The following DNAJC10 variants were observed in gnomAD, a reference collection of about 807,000 sequenced individuals.
DNAJC10 encodes the protein endoplasmic reticulum disulfide reductase DNAJC10.
DNAJC10 carries 101 observed loss-of-function variants against 115.0 expected under a neutral mutation model. That is an observed-to-expected ratio of 0.88 (90% CI 0.75 to 1.04). The LOEUF (loss-of-function observed/expected upper bound fraction) is 1.04. Among genes scored for constraint, DNAJC10 ranks in the 50% least tolerant of loss-of-function variants. The pLI, the probability that DNAJC10 is intolerant of heterozygous loss-of-function variation, is 0.00. For missense variants in DNAJC10, 981 were observed against 928.8 expected (o/e 1.06, Z -0.73); for synonymous variants, 307 against 301.5 (o/e 1.02, Z -0.19).
intron 22 of DNAJC10, among the ~76,000 whole-genome samples, chr2:182,764,827 G>A (rs1004230988): frequency 3.3e-5 from 5 of 152,102 alleles, no homozygotes; most frequent in Non-Finnish European, 7.4e-5. Context: ...ATGGCTTAAA[G>A]CTTGTTTCCC....
At chr2:182,749,194 T>C (rs6740700) in intron 14 of DNAJC10, among the ~76,000 whole-genome samples, 87,424 of 134,334 alleles carry the variant, frequency 0.65, 29,251 homozygotes, top group African/African-American at 0.78. Context: ...GAGCTGAGTT[T>C]AATTCCTGGG....
At chr2:182,748,662 T>C (rs1422295528) in intron 14 of DNAJC10, among the ~76,000 whole-genome samples, 2 of 152,238 alleles carry the variant, frequency 1.3e-5, no homozygotes, top group African/African-American at 4.8e-5. Context: ...TCAGTTTTGT[T>C]GATCCTTTCA....
Position 182,758,096 on chromosome 2 carries a change from A to G in DNAJC10, c.1943+271A>G, listed in dbSNP as rs181808773. On this transcript the variant is annotated intron_variant, in intron 19 of 23. Coordinates refer to ENST00000264065, the MANE Select transcript of DNAJC10 (RefSeq NM_018981.4). Reference sequence around the variant, plus strand: ...TTAAACACCTTATTTGGTTTCAGGTACTATATTAGATACTTTACTCACCTT... The same window carrying G: ...TTAAACACCTTATTTGGTTTCAGGTGCTATATTAGATACTTTACTCACCTT... Among the ~76,000 whole-genome samples the G allele has an allele frequency of 4.5e-4, 69 of 152,296 alleles. 1 individual carries two copies. The highest frequency in any genetic ancestry group is 4.4e-5 in the Non-Finnish European group (3 of 68,026).
intron 22 of DNAJC10, among the ~76,000 whole-genome samples, chr2:182,763,054 C>CA (rs918453291): frequency 1.3e-5 from 2 of 151,634 alleles, no homozygotes; most frequent in Non-Finnish European, 2.9e-5. Context: ...TAGAAAGAGA[C>CA]AAAAAAAGTA....
Position 182,782,010 on chromosome 2 carries a change from G to C in DNAJC10, c.*4878G>C, listed in dbSNP as rs537731372. The C allele has an allele frequency of 7.2e-5, 11 of 152,304 alleles. No individual in the cohort carries two copies. The South Asian group carries it at 2.3e-3, about 32-fold the overall frequency. 9.4% of individuals were successfully genotyped at this position (152,304 alleles called of 1,614,324 possible). A position where few individuals can be genotyped will look rare whatever the true frequency, so the allele number is the denominator to read the frequency against. On this transcript the variant is annotated 3_prime_UTR_variant, in exon 24 of 24. Coordinates refer to ENST00000264065, the MANE Select transcript of DNAJC10 (RefSeq NM_018981.4). ...CCATTGCTTTTGGTGTTCTAGTCAT[G>C]AAGTCTTTGCCCATGCCTATGTCCT...
chr2:182,741,852 T>C (rs983066435), intron 13 of DNAJC10, among the ~76,000 whole-genome samples: 2 of 152,284 alleles, frequency 1.3e-5, no homozygotes, highest in East Asian at 1.9e-4. Flanking sequence ...TGCATACATA[T>C]TGTAATGGCC....
chr2:182,733,792 GA>G (rs1693513167), intron 10 of DNAJC10, among the ~76,000 whole-genome samples: 2 of 145,746 alleles, frequency 1.4e-5, no homozygotes, highest in African/African-American at 5.2e-5. Flanking sequence ...CAGATAGATA[GA>G]TAGATAGATA....
At chr2:182,730,253 TATCA>T (rs777910586) in intron 8 of DNAJC10, among the ~76,000 whole-genome samples, 2 of 152,196 alleles carry the variant, frequency 1.3e-5, no homozygotes, top group Non-Finnish European at 2.9e-5. Context: ...TAAATATGCT[TATCA>T]ATCAGTAAAT....
At chr2:182,733,504 A>G (rs1276057082) in intron 10 of DNAJC10, among the ~76,000 whole-genome samples, 2 of 151,734 alleles carry the variant, frequency 1.3e-5, no homozygotes, top group Non-Finnish European at 3.0e-5. Flanking sequence ...ACTGAGCATT[A>G]GTATCTTTAT....
chr2:182,735,769 A>G lies in DNAJC10; in HGVS notation c.850-480A>G, dbSNP rs564665490. On this transcript the variant is annotated intron_variant, in intron 10 of 23. Coordinates refer to ENST00000264065, the MANE Select transcript of DNAJC10 (RefSeq NM_018981.4). ...GATTTTTGGAGCTCACTAAAGGATT[A>G]GCTTAGCCACTGTAGATGAAAACTG... is the stretch of plus-strand genomic sequence containing the variant. Among the ~76,000 whole-genome samples, 184 of 152,260 alleles carry G rather than the reference A, an allele frequency of 1.2e-3. 1 individual carries two copies. Among genetic ancestry groups the G allele is most frequent in the African/African-American group, 4.2e-3 (174 of 41,588 alleles).
At chr2:182,745,072 G>A (rs1256256323) in intron 14 of DNAJC10, among the ~76,000 whole-genome samples, 1 of 152,066 alleles carries the variant, frequency 6.6e-6, no homozygotes, top group African/African-American at 2.4e-5. Flanking sequence ...ACCCATTCTT[G>A]TGTCACTTTT....
At chr2:182,739,760 G>T in intron 11 of DNAJC10, 1 of 1,002,784 alleles carries the variant, frequency 1.0e-6, no homozygotes, top group Non-Finnish European at 1.2e-6. Flanking sequence ...GTTTTTAGAT[G>T]AAAACCTCTA....
At chr2:182,733,377 C>G (rs1442095341) in intron 10 of DNAJC10, among the ~76,000 whole-genome samples, 3 of 151,766 alleles carry the variant, frequency 2.0e-5, no homozygotes, top group African/African-American at 4.8e-5. Context: ...CACCCTATGC[C>G]TAGGCCTTTA....
intron 14 of DNAJC10, among the ~76,000 whole-genome samples, chr2:182,750,860 C>T (rs992142796): frequency 6.6e-6 from 1 of 152,134 alleles, no homozygotes; most frequent in African/African-American, 2.4e-5. Context: ...CTTATGGGAC[C>T]CCATCATATA....
At chr2:182,772,829 G>C in intron 22 of DNAJC10, among the ~76,000 whole-genome samples, 1 of 152,086 alleles carries the variant, frequency 6.6e-6, no homozygotes, top group Non-Finnish European at 1.5e-5. Flanking sequence ...GGGGCATTTA[G>C]CCCATTTACA....
intron 10 of DNAJC10, 187 bp downstream of exon 10, chr2:182,732,729 A>T: frequency 1.8e-6 from 1 of 570,650 alleles, no homozygotes; most frequent in South Asian, 2.5e-5. Flanking sequence ...AATAAATTTT[A>T]ACGTGGTATC....
In DNAJC10 at chr2:182,778,009, T is replaced by C. The variant is rs1334068483; in HGVS notation, c.*877T>C. ...TTTAGAGTTCTATATTTTAAAGATA[T>C]ATGTGTTCATGTATTTTCTGAAATT... On this transcript the variant is annotated 3_prime_UTR_variant, in exon 24 of 24. Coordinates refer to ENST00000264065, the MANE Select transcript of DNAJC10 (RefSeq NM_018981.4). 2.0e-5 allele frequency: 3 copies of C among 152,328 alleles called. No homozygotes were observed. The highest frequency in any genetic ancestry group is 3.9e-4 in the East Asian group (2 of 5,188). The allele number at this position is 152,328 out of a possible 1,614,324, so 9.4% of individuals were successfully genotyped here. A position where few individuals can be genotyped will look rare whatever the true frequency, so the allele number is the denominator to read the frequency against.
intron 22 of DNAJC10, among the ~76,000 whole-genome samples, chr2:182,768,712 G>C (rs1195774372): frequency 3.3e-5 from 5 of 152,168 alleles, no homozygotes; most frequent in Non-Finnish European, 7.4e-5. Flanking sequence ...GCTGTGCGCA[G>C]ATGAAAACTA....
chr2:182,729,783 A>G, intron 7 of DNAJC10, 65 bp from the exon 8 acceptor site: 1 of 1,022,852 alleles, frequency 9.8e-7, no homozygotes, highest in South Asian at 1.5e-5. Flanking sequence ...ACTCTTTGGT[A>G]TTATTTTTAT....
Sources: gnomAD v4.1 joint callset for allele counts (sites outside exome capture counted in the v4.1 genomes callset) on GRCh38, gnomAD v4.1.1 for gene constraint, MANE v1.5 for transcripts, NCBI Gene and HGNC (gene_info 2026-07-23, HGNC 2026-07-21) for gene names.